DNAJC11: variants seen among roughly 807,000 people sequenced by gnomAD.
The protein encoded by DNAJC11 is DnaJ heat shock protein family (Hsp40) member C11.
A neutral mutation model predicts 78.6 loss-of-function variants in DNAJC11; 15 were observed. The ratio of observed to expected loss-of-function variants is 0.19; its 90% CI spans 0.13 to 0.29. The LOEUF (loss-of-function observed/expected upper bound fraction) is 0.29, where lower values mean the gene tolerates loss of function less well. Among genes scored for constraint, DNAJC11 ranks in the 10% least tolerant of loss-of-function variants. DNAJC11 has a pLI of 1.00. For missense variants in DNAJC11, 547 were observed against 709.6 expected, an observed-to-expected ratio of 0.77 and a Z score of 2.60; for synonymous variants, 292 against 272.1, an observed-to-expected ratio of 1.07 and a Z score of -0.72.
intron 1 of DNAJC11, among the ~76,000 whole-genome samples, chr1:6,698,164 C>T (rs532334295): frequency 6.6e-6 from 1 of 152,054 alleles, no homozygotes; most frequent in Admixed American, 6.5e-5. Flanking sequence ...AAAGAAAACT[C>T]TCTGAACTCT....
chr1:6,641,231 C>T (rs997306208), intron 10 of DNAJC11, among the ~76,000 whole-genome samples: 1 of 151,644 alleles, frequency 6.6e-6, no homozygotes, highest in Non-Finnish European at 1.5e-5. Context: ...ACTTAAAATA[C>T]AAAAATTAGC....
At chr1:6,687,091 G>C (rs1344558425) in intron 1 of DNAJC11, among the ~76,000 whole-genome samples, 1 of 152,204 alleles carries the variant, frequency 6.6e-6, no homozygotes, top group Non-Finnish European at 1.5e-5. Context: ...CACTTTAAAA[G>C]AAAAAGCAGA....
At chr1:6,692,609 ATT>A (rs35568963) in intron 1 of DNAJC11, among the ~76,000 whole-genome samples, 7 of 127,372 alleles carry the variant, frequency 5.5e-5, no homozygotes, top group Admixed American at 8.9e-5. Context: ...TGCTTCAGGA[ATT>A]TTTTTTTTTT....
chr1:6,688,546 C>A (rs776380780), intron 1 of DNAJC11, among the ~76,000 whole-genome samples: 1 of 152,074 alleles, frequency 6.6e-6, no homozygotes, highest in Non-Finnish European at 1.5e-5. Flanking sequence ...TTCCTATTCC[C>A]CACCCCCCAA....
Position 6,635,492 on chromosome 1 carries a change from AC to A in DNAJC11, c.*182del, listed in dbSNP as rs1641744976. 3.1e-6 allele frequency: 2 copies of A among 647,276 alleles called. No individual in the cohort carries two copies. Among genetic ancestry groups the A allele is most frequent in the South Asian group, 4.2e-5 (2 of 47,554 alleles). 40.1% of individuals were successfully genotyped at this position (647,276 alleles called of 1,614,324 possible). On this transcript the variant is annotated 3_prime_UTR_variant, in exon 16 of 16. Transcript: ENST00000377577. ...TTCCCAGTGGGGCTGCCTCAGTCCT[AC>A]CCCCAGCACCCTCAAAAGCTGGGGT...
chr1:6,669,545 GAAAA>G (rs1473107396), intron 3 of DNAJC11, among the ~76,000 whole-genome samples: 11 of 150,652 alleles, frequency 7.3e-5, no homozygotes, highest in Admixed American at 2.7e-4. Flanking sequence ...GAAAAGAAAA[GAAAA>G]GAAAAGAAAA....
intron 4 of DNAJC11, among the ~76,000 whole-genome samples, chr1:6,666,918 C>T (rs1488148308): frequency 6.6e-6 from 1 of 152,134 alleles, no homozygotes; most frequent in Non-Finnish European, 1.5e-5. Context: ...ATTGAGCCCT[C>T]TTTTTAAACA....
At chr1:6,639,707 C>T (rs1220250161) in intron 11 of DNAJC11, among the ~76,000 whole-genome samples, 195 bp downstream of exon 11, 2 of 152,234 alleles carry the variant, frequency 1.3e-5, no homozygotes, top group African/African-American at 4.8e-5. Context: ...AGCAGTCCAA[C>T]TACGGACAAT....
intron 4 of DNAJC11, among the ~76,000 whole-genome samples, chr1:6,666,389 T>C (rs1340011206): frequency 2.8e-5 from 2 of 72,166 alleles, no homozygotes; most frequent in South Asian, 3.6e-4. Flanking sequence ...TCTTTTCTTT[T>C]TTTTTTTTTT....
intron 4 of DNAJC11, among the ~76,000 whole-genome samples, chr1:6,666,541 G>A (rs1470852093): frequency 1.3e-5 from 2 of 151,654 alleles, no homozygotes; most frequent in Admixed American, 1.3e-4. Context: ...GGAGGCTGGT[G>A]GCCATGCACC....
intron 3 of DNAJC11, among the ~76,000 whole-genome samples, chr1:6,671,178 C>A (rs1045155256): frequency 6.6e-6 from 1 of 152,110 alleles, no homozygotes; most frequent in African/African-American, 2.4e-5. Flanking sequence ...GCAGGATGTT[C>A]CAATCTGGAT....
chr1:6,697,023 T>C (rs898593770), intron 1 of DNAJC11, among the ~76,000 whole-genome samples: 2 of 152,270 alleles, frequency 1.3e-5, no homozygotes, highest in South Asian at 4.1e-4. Context: ...GATTTATAGT[T>C]AAGGAATCCT....
chr1:6,656,767 G>A (rs1021376520), intron 4 of DNAJC11, among the ~76,000 whole-genome samples: 60 of 150,496 alleles, frequency 4.0e-4, no homozygotes, highest in African/African-American at 1.4e-3. Flanking sequence ...GGGAGTGGTG[G>A]TATCCGCCTG....
intron 3 of DNAJC11, among the ~76,000 whole-genome samples, chr1:6,669,226 G>A (rs1309056875): frequency 1.3e-5 from 2 of 148,780 alleles, no homozygotes; most frequent in Non-Finnish European, 1.5e-5. Flanking sequence ...TAAGGTATTC[G>A]AGGCCTAGCG....
chr1:6,659,225 G>A (rs1021590389), intron 4 of DNAJC11, among the ~76,000 whole-genome samples: 3 of 152,086 alleles, frequency 2.0e-5, no homozygotes, highest in Admixed American at 2.0e-4. Flanking sequence ...TGGGGAAATG[G>A]AATGTCTTCA....
intron 15 of DNAJC11, among the ~76,000 whole-genome samples, 159 bp downstream of exon 15, chr1:6,635,945 AGGGCACAAATCAT>A (rs1641759112): frequency 6.6e-6 from 1 of 152,226 alleles, no homozygotes; most frequent in African/African-American, 2.4e-5. Context: ...CCCCCCTTTT[AGGGCACAAATCAT>A]GGGCTCTGAG....
chr1:6,681,284 G>A (rs901511362), intron 1 of DNAJC11, among the ~76,000 whole-genome samples: 3 of 152,128 alleles, frequency 2.0e-5, no homozygotes, highest in African/African-American at 7.2e-5. Context: ...ATGAATGAAC[G>A]TTTGGGTCTC....
At chr1:6,662,128 G>GTTTTTTT (rs1222028818) in intron 4 of DNAJC11, among the ~76,000 whole-genome samples, 14 of 137,874 alleles carry the variant, frequency 1.0e-4, no homozygotes, top group South Asian at 2.3e-4. Context: ...ATTGTTTTTT[G>GTTTTTTT]TTTTTTGTTT....
chr1:6,634,321 G>C lies in DNAJC11; in HGVS notation c.*1354C>G, dbSNP rs1010255317. The C allele has an allele frequency of 7.0e-5, 71 of 1,012,086 alleles. No homozygotes were observed. In the African/African-American group the frequency reaches 1.1e-3, roughly 15 times the overall value. 62.7% of individuals were successfully genotyped at this position (1,012,086 alleles called of 1,614,324 possible). ...GCAACACGACGCTCACCGCGGCTCG[G>C]GCCGTGGGGCCGTCAGAGAAACCTT... On this transcript the variant is annotated 3_prime_UTR_variant, in exon 16 of 16. Coordinates refer to ENST00000377577, the MANE Select transcript of DNAJC11 (RefSeq NM_018198.4).
Sources: gnomAD v4.1 joint callset for allele counts (sites outside exome capture counted in the v4.1 genomes callset) on GRCh38, gnomAD v4.1.1 for gene constraint, MANE v1.5 for transcripts, NCBI Gene and HGNC (gene_info 2026-07-23, HGNC 2026-07-21) for gene names.